FRMD4A: variants seen among roughly 807,000 people sequenced by gnomAD.
The protein encoded by FRMD4A is FERM domain-containing protein 4A.
Under a neutral mutation model 129.1 loss-of-function variants are expected in FRMD4A, and 29 were observed. That is an observed-to-expected ratio of 0.22 (90% CI 0.17 to 0.31). The LOEUF is 0.31. Ranked by LOEUF, FRMD4A falls within the 10% of genes least tolerant of loss-of-function variation. The pLI, the probability that FRMD4A is intolerant of heterozygous loss-of-function variation, is 1.00. For missense variants in FRMD4A, 1,272 were observed against 1,375.8 expected, an observed-to-expected ratio of 0.92 and a Z score of 1.19; for synonymous variants, 634 against 571.6, an observed-to-expected ratio of 1.11 and a Z score of -1.56.
intron 2 of FRMD4A, among the ~76,000 whole-genome samples, chr10:14,262,848 T>A (rs1844851031): frequency 6.6e-6 from 1 of 152,228 alleles, no homozygotes; most frequent in Non-Finnish European, 1.5e-5. Flanking sequence ...TAAGTCTATC[T>A]TAAAGCACAT....
At chr10:13,854,288 G>T (rs916135319) in intron 3 of FRMD4A, among the ~76,000 whole-genome samples, 1 of 152,172 alleles carries the variant, frequency 6.6e-6, no homozygotes, top group African/African-American at 2.4e-5. Flanking sequence ...AAGGAGCAAG[G>T]ATATGACAAC....
chr10:14,004,528 C>T (rs540434703), intron 2 of FRMD4A, among the ~76,000 whole-genome samples: 75 of 151,928 alleles, frequency 4.9e-4, no homozygotes, highest in African/African-American at 1.7e-3. Context: ...GGCAACACAG[C>T]GAGACTCTGT....
At chr10:13,690,272 G>A (rs949562190) in intron 15 of FRMD4A, among the ~76,000 whole-genome samples, 18 of 152,308 alleles carry the variant, frequency 1.2e-4, no homozygotes, top group South Asian at 8.3e-4. Flanking sequence ...TGAGCCAGCC[G>A]CCTAGATCTT....
At chr10:13,789,775 G>GTGTGTGTT (rs1208253882) in intron 5 of FRMD4A, among the ~76,000 whole-genome samples, 2,380 of 148,376 alleles carry the variant, frequency 0.016, 54 homozygotes, top group African/African-American at 0.054. Context: ...TATAATGTGT[G>GTGTGTGTT]TGTGTGTGTG....
chr10:13,733,579 G>T (rs917711723), intron 12 of FRMD4A, among the ~76,000 whole-genome samples: 2 of 152,104 alleles, frequency 1.3e-5, no homozygotes, highest in Non-Finnish European at 2.9e-5. Context: ...CCCCGCCCCC[G>T]CAGCAGGCCT....
Position 14,153,946 on chromosome 10 carries a change from G to A in FRMD4A, c.45+176112C>T, listed in dbSNP as rs149762934. ...CAGATGGCTCCGCCTCTGCCCTCCA[G>A]TAACCTCCTTTCCTGGCTGTGTCCC... On this transcript the variant is annotated intron_variant, in intron 2 of 24. Transcript: ENST00000357447. 1.8e-3 allele frequency among the ~76,000 whole-genome samples: 281 copies of A among 152,280 alleles called. 2 individuals carry two copies. The highest frequency in any genetic ancestry group is 5.8e-3 in the African/African-American group (241 of 41,566).
chr10:14,328,626 A>ATGTGTGTGTGTGTGTG (rs58681647), intron 2 of FRMD4A, among the ~76,000 whole-genome samples: 32 of 142,580 alleles, frequency 2.2e-4, no homozygotes, highest in African/African-American at 7.8e-4. Flanking sequence ...ATACATATGC[A>ATGTGTGTGTGTGTGTG]TGTGTGTGTG....
chr10:13,892,225 C>T (rs1289019145), intron 2 of FRMD4A, among the ~76,000 whole-genome samples: 2 of 152,192 alleles, frequency 1.3e-5, no homozygotes, highest in Admixed American at 1.3e-4. Flanking sequence ...CCAAAGCCAC[C>T]GCTCGAGGCC....
chr10:14,011,836 C>T (rs558117636), intron 2 of FRMD4A, among the ~76,000 whole-genome samples: 13 of 152,132 alleles, frequency 8.5e-5, no homozygotes, highest in Admixed American at 4.6e-4. Flanking sequence ...TAGTGAAACC[C>T]CGTCTCTACT....
At chr10:13,688,824 T>C (rs2085362100) in intron 15 of FRMD4A, among the ~76,000 whole-genome samples, 2 of 152,058 alleles carry the variant, frequency 1.3e-5, no homozygotes, top group Admixed American at 1.3e-4. Context: ...CTCAAGTAAC[T>C]CTCCTGCCTC....
intron 2 of FRMD4A, among the ~76,000 whole-genome samples, chr10:14,055,951 T>C (rs1056993058): frequency 5.9e-5 from 9 of 152,270 alleles, no homozygotes; most frequent in African/African-American, 1.9e-4. Flanking sequence ...TCTTTTTTTT[T>C]TGAGACGGAG....
intron 3 of FRMD4A, among the ~76,000 whole-genome samples, chr10:13,822,034 A>G (rs1448139079): frequency 1.3e-5 from 2 of 152,182 alleles, no homozygotes; most frequent in Non-Finnish European, 2.9e-5. Flanking sequence ...GTGGTCACTG[A>G]CAGAAATGGA....
chr10:13,924,935 G>A (rs2095113566), intron 2 of FRMD4A, among the ~76,000 whole-genome samples: 1 of 151,934 alleles, frequency 6.6e-6, no homozygotes, highest in South Asian at 2.1e-4. Context: ...GTGGTGGCGG[G>A]CGCCTGTAAT....
At chr10:14,195,478 G>A (rs1053173300) in intron 2 of FRMD4A, among the ~76,000 whole-genome samples, 6 of 150,718 alleles carry the variant, frequency 4.0e-5, no homozygotes, top group African/African-American at 7.3e-5. Flanking sequence ...GAGGGAACTC[G>A]GGCTGCAGTT....
At chr10:14,151,033 G>A (rs1840313569) in intron 2 of FRMD4A, among the ~76,000 whole-genome samples, 1 of 152,164 alleles carries the variant, frequency 6.6e-6, no homozygotes, top group East Asian at 1.9e-4. Context: ...TAAGATTGAG[G>A]TTATTAAAAT....
chr10:13,750,069 G>GAAGAAAGAAAGAAAGGAAGGAAGA (rs2091503297), intron 8 of FRMD4A, among the ~76,000 whole-genome samples: 1 of 55,600 alleles, frequency 1.8e-5, no homozygotes, highest in East Asian at 5.0e-4. Context: ...AGGAAGGAAG[G>GAAGAAAGAAAGAAAGGAAGGAAGA]AAGAAAGAAA....
intron 2 of FRMD4A, among the ~76,000 whole-genome samples, chr10:13,911,781 C>T (rs111720501): frequency 9.9e-5 from 15 of 152,132 alleles, no homozygotes; most frequent in African/African-American, 3.4e-4. Flanking sequence ...AGGGTGGTCT[C>T]GAACTGCTGA....
At chr10:13,758,602 C>A (rs372711609) in intron 8 of FRMD4A, among the ~76,000 whole-genome samples, 11 of 152,174 alleles carry the variant, frequency 7.2e-5, no homozygotes, top group African/African-American at 2.2e-4. Flanking sequence ...GGTGGAGCCA[C>A]CAAGAATTCA....
intron 3 of FRMD4A, among the ~76,000 whole-genome samples, chr10:13,837,455 T>C (rs2093894638): frequency 6.6e-6 from 1 of 152,220 alleles, no homozygotes; most frequent in Non-Finnish European, 1.5e-5. Flanking sequence ...ATTCCTGACC[T>C]TGTTTAATGA....
Sources: allele counts gnomAD v4.1 joint callset (sites outside exome capture counted in the v4.1 genomes callset), GRCh38; gene constraint gnomAD v4.1.1; transcripts MANE v1.5; gene names NCBI Gene and HGNC (gene_info 2026-07-23, HGNC 2026-07-21).